CLSTN2: variants seen among roughly 807,000 people sequenced by gnomAD.
The protein encoded by CLSTN2 is calsyntenin 2, also known as calsyntenin-2.
Under a neutral mutation model 101.2 loss-of-function variants are expected in CLSTN2, and 48 were observed. The observed-to-expected ratio is 0.47, with a 90% CI of 0.38 to 0.60. CLSTN2 has a LOEUF of 0.60. Among genes scored for constraint, CLSTN2 ranks in the 20% least tolerant of loss-of-function variants. The pLI, the probability that CLSTN2 is intolerant of heterozygous loss-of-function variation, is 0.00. For synonymous variants in CLSTN2, 481 were observed against 463.6 expected (o/e 1.04, Z -0.48); for missense variants, 1,160 against 1,238.2 (o/e 0.94, Z 0.95).
intron 2 of CLSTN2, among the ~76,000 whole-genome samples, chr3:140,205,078 G>A (rs957775491): frequency 2.0e-5 from 3 of 152,134 alleles, no homozygotes; most frequent in African/African-American, 4.8e-5. Flanking sequence ...TGTAAGTTAC[G>A]GCCCTTGTTC....
At chr3:140,533,077 T>A (rs1454564916) in intron 9 of CLSTN2, among the ~76,000 whole-genome samples, 1 of 152,198 alleles carries the variant, frequency 6.6e-6, no homozygotes, top group Non-Finnish European at 1.5e-5. Context: ...CTTGAAGGTA[T>A]CTGCCCCTTC....
In CLSTN2 at chr3:140,188,670, T is replaced by C. The variant is rs552893912; in HGVS notation, c.232+12597T>C. Among the ~76,000 whole-genome samples, 11 of 152,060 alleles carry C rather than the reference T, an allele frequency of 7.2e-5. 1 individual carries two copies. In the South Asian group the frequency reaches 2.1e-3, roughly 29 times the overall value. On this transcript the variant is annotated intron_variant, in intron 2 of 16. Coordinates refer to ENST00000458420, the MANE Select transcript of CLSTN2 (RefSeq NM_022131.3). ...GGAAAGAGACTGATGCTACCCAGCA[T>C]TGGGTGATTATTTTTTAAGAAAGTT... is the stretch of plus-strand genomic sequence containing the variant.
At chr3:140,022,808 C>G (rs977048253) in intron 1 of CLSTN2, among the ~76,000 whole-genome samples, 1 of 152,114 alleles carries the variant, frequency 6.6e-6, no homozygotes, top group Non-Finnish European at 1.5e-5. Context: ...CTGTTTGGTC[C>G]CATGGGAGCT....
chr3:140,357,716 C>T lies in CLSTN2; in HGVS notation c.233-45913C>T, dbSNP rs376769358. ...TCATTTTGTGTTTTTCTCAACATGC[C>T]TTTAGAATGAGATTCAGAGACAGGG... On this transcript the variant is annotated intron_variant, in intron 2 of 16. Transcript: ENST00000458420. Among the ~76,000 whole-genome samples, 23 of 152,222 alleles carry T rather than the reference C, an allele frequency of 1.5e-4. No individual in the cohort carries two copies. In the South Asian group the frequency reaches 4.6e-3, roughly 30 times the overall value.
intron 2 of CLSTN2, among the ~76,000 whole-genome samples, chr3:140,230,125 G>A (rs886571324): frequency 5.3e-5 from 8 of 152,212 alleles, no homozygotes; most frequent in Admixed American, 1.3e-4. Flanking sequence ...GATTGGAATG[G>A]ATGGATAGAA....
At chr3:140,264,333 G>A (rs1238426756) in intron 2 of CLSTN2, among the ~76,000 whole-genome samples, 4 of 145,502 alleles carry the variant, frequency 2.7e-5, no homozygotes, top group African/African-American at 7.6e-5. Context: ...GTTCAGGCAT[G>A]AGTTACAGAG....
chr3:140,371,977 G>T (rs183250939), intron 2 of CLSTN2, among the ~76,000 whole-genome samples: 4 of 152,256 alleles, frequency 2.6e-5, no homozygotes, highest in African/African-American at 9.6e-5. Context: ...GTGGCAACTG[G>T]GTTTGTAACT....
chr3:140,353,092 C>T (rs927452705), intron 2 of CLSTN2, among the ~76,000 whole-genome samples: 6 of 151,932 alleles, frequency 3.9e-5, no homozygotes, highest in Non-Finnish European at 8.8e-5. Flanking sequence ...CTAGAGATTA[C>T]TTAAAGCATA....
intron 2 of CLSTN2, among the ~76,000 whole-genome samples, chr3:140,396,623 C>T (rs563022752): frequency 4.3e-4 from 65 of 152,336 alleles, no homozygotes; most frequent in African/African-American, 1.3e-3. Flanking sequence ...CCTACAGTCC[C>T]ATGGTAGTTA....
At chr3:140,231,714 C>G (rs72988201) in intron 2 of CLSTN2, among the ~76,000 whole-genome samples, 6,048 of 152,266 alleles carry the variant, frequency 0.04, 370 homozygotes, top group African/African-American at 0.14. Context: ...GCACTGGACT[C>G]TAAGATCCAT....
chr3:140,199,646 C>T (rs574235052), intron 2 of CLSTN2, among the ~76,000 whole-genome samples: 1 of 152,278 alleles, frequency 6.6e-6, no homozygotes, highest in South Asian at 2.1e-4. Context: ...CTTTCAATCT[C>T]TTTCTACCCC....
chr3:140,267,341 T>C (rs2086703785), intron 2 of CLSTN2, among the ~76,000 whole-genome samples: 1 of 152,174 alleles, frequency 6.6e-6, no homozygotes. Context: ...TCTCTAAAAC[T>C]ACTCTGTAAG....
intron 1 of CLSTN2, among the ~76,000 whole-genome samples, chr3:139,938,558 A>T (rs1935069661): frequency 6.6e-6 from 1 of 152,206 alleles, no homozygotes; most frequent in Non-Finnish European, 1.5e-5. Flanking sequence ...AAAGATAAAT[A>T]CTTCTTGGAT....
At chr3:139,955,363 A>G (rs905786788) in intron 1 of CLSTN2, among the ~76,000 whole-genome samples, 4 of 152,028 alleles carry the variant, frequency 2.6e-5, no homozygotes, top group Admixed American at 1.3e-4. Flanking sequence ...GTAAAGATGC[A>G]GTAAGCCTGA....
At chr3:140,537,197 G>C (rs578113934) in intron 9 of CLSTN2, among the ~76,000 whole-genome samples, 1 of 152,264 alleles carries the variant, frequency 6.6e-6, no homozygotes, top group Non-Finnish European at 1.5e-5. Flanking sequence ...AATTTCAGAC[G>C]AGGCTTTAAC....
chr3:140,049,782 C>G (rs912282520), intron 1 of CLSTN2, among the ~76,000 whole-genome samples: 5 of 152,240 alleles, frequency 3.3e-5, no homozygotes, highest in African/African-American at 9.6e-5. Flanking sequence ...CCAGTGACCC[C>G]TCAAAAGGTG....
At chr3:140,057,486 G>A (rs1366939534) in intron 1 of CLSTN2, among the ~76,000 whole-genome samples, 1 of 152,188 alleles carries the variant, frequency 6.6e-6, no homozygotes, top group African/African-American at 2.4e-5. Flanking sequence ...CTAAGGGGAT[G>A]CCACTAAACT....
At chr3:140,453,627 C>G (rs1933306499) in intron 6 of CLSTN2, among the ~76,000 whole-genome samples, 1 of 152,126 alleles carries the variant, frequency 6.6e-6, no homozygotes, top group Admixed American at 6.5e-5. Context: ...TTCTCACCCC[C>G]AAAGAAGAGA....
chr3:140,308,383 T>C (rs7610654), intron 2 of CLSTN2, among the ~76,000 whole-genome samples: 3,645 of 152,314 alleles, frequency 0.024, 150 homozygotes, highest in African/African-American at 0.082. Context: ...GAAGGTAGCA[T>C]TGGTAAACCC....
Sources: allele counts gnomAD v4.1 joint callset (sites outside exome capture counted in the v4.1 genomes callset), GRCh38; gene constraint gnomAD v4.1.1; transcripts MANE v1.5; gene names NCBI Gene and HGNC (gene_info 2026-07-23, HGNC 2026-07-21).